The following FRMD4A variants were observed in gnomAD, a reference collection of about 807,000 sequenced individuals.
FRMD4A encodes FERM domain-containing protein 4A.
FRMD4A carries 29 observed loss-of-function variants against 129.1 expected under a neutral mutation model. The observed-to-expected ratio is 0.22, with a 90% CI of 0.17 to 0.31. FRMD4A has a LOEUF of 0.31. Among genes scored for constraint, FRMD4A ranks in the 10% least tolerant of loss-of-function variants. The probability of loss-of-function intolerance (pLI) is 1.00; values close to 1 mark genes in which losing one functional copy is unlikely to be tolerated. For missense variants in FRMD4A, 1,272 were observed against 1,375.8 expected (o/e 0.92, Z 1.19); for synonymous variants, 634 against 571.6 (o/e 1.11, Z -1.56).
At chr10:14,239,652 C>CAGAAA (rs1843967125) in intron 2 of FRMD4A, among the ~76,000 whole-genome samples, 1 of 149,982 alleles carries the variant, frequency 6.7e-6, no homozygotes, top group Non-Finnish European at 1.5e-5. Flanking sequence ...AACAAACAAA[C>CAGAAA]AAAAAAAAAC....
intron 2 of FRMD4A, among the ~76,000 whole-genome samples, chr10:13,981,674 G>T (rs1037844485): frequency 1.3e-5 from 2 of 150,754 alleles, no homozygotes; most frequent in Non-Finnish European, 3.0e-5. Context: ...CGGAGGCGGA[G>T]GTTGTAGTGA....
At chr10:13,799,639 C>T (rs1046449878) in intron 4 of FRMD4A, among the ~76,000 whole-genome samples, 2 of 152,192 alleles carry the variant, frequency 1.3e-5, no homozygotes. Context: ...CCTGCGAGTA[C>T]ACCATGTGTA....
chr10:13,938,680 C>T (rs2095267660), intron 2 of FRMD4A, among the ~76,000 whole-genome samples: 1 of 152,222 alleles, frequency 6.6e-6, no homozygotes, highest in Non-Finnish European at 1.5e-5. Flanking sequence ...AGTGATCCTC[C>T]ACTAGGGGTG....
chr10:13,994,564 TG>T (rs1194242379), intron 2 of FRMD4A, among the ~76,000 whole-genome samples: 1 of 152,180 alleles, frequency 6.6e-6, no homozygotes, highest in Non-Finnish European at 1.5e-5. Context: ...TCAGATCATC[TG>T]CCTGCCTCAG....
At chr10:14,320,679 C>T (rs1220073460) in intron 2 of FRMD4A, among the ~76,000 whole-genome samples, 1 of 152,212 alleles carries the variant, frequency 6.6e-6, no homozygotes, top group African/African-American at 2.4e-5. Context: ...CTTCTTATTT[C>T]TCTAATGAGA....
Position 13,693,602 on chromosome 10 carries a change from G to A in FRMD4A, c.1117+296C>T, listed in dbSNP as rs939720200. The A allele has an allele frequency of 3.2e-6, 3 of 930,012 alleles. No homozygotes were observed. The African/African-American group carries it at 5.1e-5, about 16-fold the overall frequency. 57.6% of individuals were successfully genotyped at this position (930,012 alleles called of 1,614,324 possible). A position where few individuals can be genotyped will look rare whatever the true frequency, so the allele number is the denominator to read the frequency against. ...TGACATTCCCGACAGCTTGCCATGGGGATTGTGAAACGCTCTGGGGGGTAC... is the reference window on the plus strand; with the variant it reads ...TGACATTCCCGACAGCTTGCCATGGAGATTGTGAAACGCTCTGGGGGGTAC... On this transcript the variant is annotated intron_variant, in intron 15 of 24. Transcript: ENST00000357447.
At chr10:14,148,727 A>C (rs945734724) in intron 2 of FRMD4A, among the ~76,000 whole-genome samples, 1 of 151,302 alleles carries the variant, frequency 6.6e-6, no homozygotes. Context: ...GCGCCACTGC[A>C]CTCCAGCCTA....
At chr10:14,239,648 C>CAA (rs143278130) in intron 2 of FRMD4A, among the ~76,000 whole-genome samples, 2,304 of 143,922 alleles carry the variant, frequency 0.016, 25 homozygotes, top group African/African-American at 0.02. Flanking sequence ...AACAAACAAA[C>CAA]AAACAAAAAA....
chr10:14,213,973 G>A (rs11816508), intron 2 of FRMD4A, among the ~76,000 whole-genome samples: 44,616 of 152,038 alleles, frequency 0.29, 6,820 homozygotes, highest in Admixed American at 0.35. Flanking sequence ...TGCTGTTCTC[G>A]TGATAGTAAA....
intron 2 of FRMD4A, among the ~76,000 whole-genome samples, chr10:14,134,428 A>G (rs370446974): frequency 6.7e-6 from 1 of 149,444 alleles, no homozygotes; most frequent in African/African-American, 2.5e-5. Context: ...GGATAGGTGG[A>G]TGAATGGATA....
At chr10:13,702,540 A>G (rs1051600092) in intron 13 of FRMD4A, among the ~76,000 whole-genome samples, 1 of 107,834 alleles carries the variant, frequency 9.3e-6, no homozygotes, top group South Asian at 4.0e-4. Flanking sequence ...GTGTGTTTGC[A>G]TGTGTGTGTG....
intron 2 of FRMD4A, among the ~76,000 whole-genome samples, chr10:13,987,442 G>T (rs774977014): frequency 1.3e-5 from 2 of 152,068 alleles, no homozygotes; most frequent in African/African-American, 2.4e-5. Flanking sequence ...GACTTGAAAA[G>T]CCTGAATATT....
chr10:14,237,421 C>T (rs961058696), intron 2 of FRMD4A, among the ~76,000 whole-genome samples: 1 of 152,114 alleles, frequency 6.6e-6, no homozygotes, highest in Non-Finnish European at 1.5e-5. Flanking sequence ...ACCTCTGCCT[C>T]CCAGGTTCAA....
At chr10:13,676,808 T>C (rs1395904288) in intron 15 of FRMD4A, among the ~76,000 whole-genome samples, 4 of 152,194 alleles carry the variant, frequency 2.6e-5, no homozygotes, top group Non-Finnish European at 5.9e-5. Flanking sequence ...AGAAGCTTGA[T>C]GTTGTAAAGA....
intron 2 of FRMD4A, among the ~76,000 whole-genome samples, chr10:13,949,769 A>T (rs772017182): frequency 8.5e-5 from 13 of 152,224 alleles, no homozygotes; most frequent in Non-Finnish European, 1.2e-4. Context: ...GGGACATCCC[A>T]AGTCACACAG....
chr10:13,658,281 G>A (rs963971338), intron 21 of FRMD4A, among the ~76,000 whole-genome samples: 4 of 151,986 alleles, frequency 2.6e-5, no homozygotes, highest in African/African-American at 9.7e-5. Flanking sequence ...CCCCTTTCCT[G>A]TGAAAACTGG....
At chr10:14,262,006 C>T (rs1405474482) in intron 2 of FRMD4A, among the ~76,000 whole-genome samples, 1 of 150,488 alleles carries the variant, frequency 6.6e-6, no homozygotes, top group Non-Finnish European at 1.5e-5. Flanking sequence ...CCCTAGTTCC[C>T]CTCTCTCTGC....
At chr10:14,222,197 A>G (rs925192758) in intron 2 of FRMD4A, among the ~76,000 whole-genome samples, 2 of 152,224 alleles carry the variant, frequency 1.3e-5, no homozygotes, top group Non-Finnish European at 2.9e-5. Flanking sequence ...TTCTTTGTGC[A>G]TATAAATCAG....
At chr10:13,782,078 C>G (rs1053736019) in intron 6 of FRMD4A, among the ~76,000 whole-genome samples, 1 of 152,084 alleles carries the variant, frequency 6.6e-6, no homozygotes, top group Non-Finnish European at 1.5e-5. Flanking sequence ...CCCCAAAAAC[C>G]TATGGAAATA....
Sources: gnomAD v4.1 joint callset for allele counts (sites outside exome capture counted in the v4.1 genomes callset) on GRCh38, gnomAD v4.1.1 for gene constraint, MANE v1.5 for transcripts, NCBI Gene and HGNC (gene_info 2026-07-23, HGNC 2026-07-21) for gene names.